Variants in HECW2 observed in about 807,000 individuals in gnomAD.
HECW2 encodes the protein E3 ubiquitin-protein ligase HECW2.
In HECW2, 61 loss-of-function variants were observed where a neutral mutation model predicts 175.2. The observed-to-expected ratio is 0.35, with a 90% CI of 0.28 to 0.43. The LOEUF (loss-of-function observed/expected upper bound fraction) is 0.43. Ranked by LOEUF, HECW2 falls within the 20% of genes least tolerant of loss-of-function variation. The probability of loss-of-function intolerance (pLI) is 1.00; values close to 1 mark genes in which losing one functional copy is unlikely to be tolerated. For synonymous variants in HECW2, 671 were observed against 731.0 expected (o/e 0.92, Z 1.32); for missense variants, 1,524 against 2,000.5 (o/e 0.76, Z 4.54).
At position 196,504,129 on chromosome 2, in the gene HECW2, C is replaced by G. The variant is rs539812455; in HGVS notation, c.-35-70671G>C. ...TGGATAACATAGTGTAACCTCATCA[C>G]CACTAAAAATACAAAAATTAGCCAG... On this transcript the variant is annotated intron_variant, in intron 1 of 28. Transcript: ENST00000644978. 2.0e-5 allele frequency among the ~76,000 whole-genome samples: 3 copies of G among 152,156 alleles called. No homozygotes were observed. The East Asian group carries it at 5.8e-4, about 29-fold the overall frequency.
At chr2:196,257,280 G>C (rs1689093747) in intron 18 of HECW2, among the ~76,000 whole-genome samples, 2 of 66,990 alleles carry the variant, frequency 3.0e-5, no homozygotes, top group African/African-American at 6.4e-5. Flanking sequence ...TGGAGGGTGA[G>C]GGGCGGGGGT....
chr2:196,448,791 C>G (rs998699105), intron 1 of HECW2, among the ~76,000 whole-genome samples: 1 of 152,190 alleles, frequency 6.6e-6, no homozygotes, highest in Non-Finnish European at 1.5e-5. Context: ...TCCATGGACC[C>G]TGACAACTCG....
chr2:196,586,320 G>A (rs1690972777), intron 1 of HECW2, among the ~76,000 whole-genome samples: 1 of 152,076 alleles, frequency 6.6e-6, no homozygotes, highest in African/African-American at 2.4e-5. Context: ...TATGACTTAG[G>A]TATACCACTT....
chr2:196,480,616 A>T (rs1686809105), intron 1 of HECW2, among the ~76,000 whole-genome samples: 1 of 152,254 alleles, frequency 6.6e-6, no homozygotes, highest in Non-Finnish European at 1.5e-5. Context: ...AGCACTGAAT[A>T]GGGAGGATGG....
At chr2:196,323,914 TG>T (rs56262727) in intron 6 of HECW2, among the ~76,000 whole-genome samples, 7,140 of 79,554 alleles carry the variant, frequency 0.09, 293 homozygotes, top group African/African-American at 0.15. Flanking sequence ...TTTTGTTTTT[TG>T]TTTGTTTTTT....
chr2:196,308,105 C>A lies in HECW2; in HGVS notation c.2435-20G>T. 1 of 1,534,482 alleles carries A rather than the reference C, an allele frequency of 6.5e-7. No individual in the cohort carries two copies. Among genetic ancestry groups the A allele is most frequent in the Non-Finnish European group, 8.9e-7 (1 of 1,128,936 alleles). On this transcript the variant is annotated intron_variant, in intron 10 of 28. Transcript: ENST00000644978. ...CCCAGTCTAAATGGCAGTGAGGCAC[C>A]GAAAGGAATTAGGAGGAGGAGCTGA...
At chr2:196,578,860 G>C (rs924649597) in intron 1 of HECW2, among the ~76,000 whole-genome samples, 14 of 152,094 alleles carry the variant, frequency 9.2e-5, no homozygotes, top group Non-Finnish European at 1.9e-4. Flanking sequence ...AGGAGTCCTT[G>C]AGGCTGAAAT....
intron 17 of HECW2, among the ~76,000 whole-genome samples, chr2:196,265,856 C>A (rs768469066): frequency 6.6e-6 from 1 of 152,086 alleles, no homozygotes; most frequent in Non-Finnish European, 1.5e-5. Flanking sequence ...TTCGAAGTCA[C>A]CTGGTGGGTA....
At chr2:196,541,848 C>T (rs996038852) in intron 1 of HECW2, among the ~76,000 whole-genome samples, 3 of 151,666 alleles carry the variant, frequency 2.0e-5, no homozygotes, top group Admixed American at 1.3e-4. Context: ...AAATGTTCAA[C>T]ATTTTCAATA....
intron 2 of HECW2, among the ~76,000 whole-genome samples, chr2:196,344,322 G>GAAAAAAAAA (rs60573890): frequency 4.0e-4 from 27 of 67,624 alleles, no homozygotes; most frequent in African/African-American, 1.3e-3. Flanking sequence ...GACAAGATAA[G>GAAAAAAAAA]AAAAAAAAAA....
intron 1 of HECW2, among the ~76,000 whole-genome samples, chr2:196,513,857 G>A (rs1324225998): frequency 2.6e-5 from 4 of 152,122 alleles, no homozygotes; most frequent in Non-Finnish European, 5.9e-5. Context: ...GAAATAGAGG[G>A]TAAGTGGTTA....
intron 20 of HECW2, among the ~76,000 whole-genome samples, chr2:196,241,431 C>A (rs923497709): frequency 3.3e-5 from 5 of 152,116 alleles, no homozygotes; most frequent in African/African-American, 1.2e-4. Context: ...CTCTCAGGCA[C>A]CCAGGGTCAC....
rs113458100 is a variant in HECW2, at chr2:196,246,389, C to CT, written c.3530-4186dup. On this transcript the variant is annotated intron_variant, in intron 19 of 28. Transcript: ENST00000644978. ...AAAATCTTTTAAGACACAAAAGAAA[C>CT]TTTTTTTTTTTCTTTAGACGGAGTC... 1.5e-4 allele frequency among the ~76,000 whole-genome samples: 23 copies of CT among 149,194 alleles called. 1 individual carries two copies. The highest frequency in any genetic ancestry group is 6.4e-4 in the South Asian group (3 of 4,668).
At chr2:196,252,582 A>G (rs1688900472) in intron 19 of HECW2, among the ~76,000 whole-genome samples, 1 of 152,178 alleles carries the variant, frequency 6.6e-6, no homozygotes, top group South Asian at 2.1e-4. Context: ...ACCATGTGAC[A>G]TGCTGGCTCT....
intron 2 of HECW2, among the ~76,000 whole-genome samples, chr2:196,407,667 C>T (rs1326824168): frequency 6.6e-6 from 1 of 152,214 alleles, no homozygotes; most frequent in Non-Finnish European, 1.5e-5. Flanking sequence ...GGCTAGACTC[C>T]TTGCTCAGTG....
At chr2:196,463,458 A>G (rs1696829176) in intron 1 of HECW2, among the ~76,000 whole-genome samples, 3 of 152,132 alleles carry the variant, frequency 2.0e-5, no homozygotes, top group African/African-American at 7.2e-5. Context: ...GAAAAGAAAA[A>G]TTCCAACTGC....
chr2:196,238,435 G>GTTTCTTTCTTTCTTTCTTTC (rs3054196), intron 21 of HECW2: 15 of 37,938 alleles, frequency 4.0e-4, no homozygotes, highest in African/African-American at 9.0e-4. Context: ...GTAGCTCAAG[G>GTTTCTTTCTTTCTTTCTTTC]TTTCTTTCTT....
At chr2:196,393,275 G>A (rs894271220) in intron 2 of HECW2, among the ~76,000 whole-genome samples, 17 of 151,928 alleles carry the variant, frequency 1.1e-4, no homozygotes, top group Non-Finnish European at 1.8e-4. Flanking sequence ...CAAAAGCAAT[G>A]GCAAAAAAAG....
At chr2:196,267,703 A>G (rs7557894) in intron 17 of HECW2, among the ~76,000 whole-genome samples, 6,265 of 152,320 alleles carry the variant, frequency 0.041, 413 homozygotes, top group African/African-American at 0.14. Context: ...CTCAGGGAAG[A>G]GAAAACTATA....
Sources: allele counts gnomAD v4.1 joint callset (sites outside exome capture counted in the v4.1 genomes callset), GRCh38; gene constraint gnomAD v4.1.1; transcripts MANE v1.5; gene names NCBI Gene and HGNC (gene_info 2026-07-23, HGNC 2026-07-21).